Variants in SCAI observed in about 807,000 individuals in gnomAD.
SCAI encodes protein SCAI.
In SCAI, 24 loss-of-function variants were observed where a neutral mutation model predicts 92.2. The ratio of observed to expected loss-of-function variants is 0.26; its 90% confidence interval spans 0.19 to 0.37. The LOEUF (loss-of-function observed/expected upper bound fraction) is 0.37, where lower values mean the gene tolerates loss of function less well. Among genes scored for constraint, SCAI ranks in the 10% least tolerant of loss-of-function variants. The pLI is 1.00. For synonymous variants in SCAI, 261 were observed against 258.6 expected (o/e 1.01, Z -0.09); for missense variants, 450 against 736.2 (o/e 0.61, Z 4.50).
intron 3 of SCAI, among the ~76,000 whole-genome samples, chr9:125,047,661 G>T (rs775348764): frequency 6.6e-6 from 1 of 152,140 alleles, no homozygotes; most frequent in South Asian, 2.1e-4. Flanking sequence ...TATGAGAACA[G>T]AAACTAAAAC....
intron 2 of SCAI, chr9:125,142,286 G>C (rs372494585): frequency 3.7e-4 from 71 of 190,686 alleles, no homozygotes; most frequent in African/African-American, 1.4e-3. Flanking sequence ...GAAGGCATGA[G>C]CCACCCCAGC....
chr9:125,060,502 G>A (rs1170147544), intron 2 of SCAI, among the ~76,000 whole-genome samples: 1 of 152,164 alleles, frequency 6.6e-6, no homozygotes, highest in Non-Finnish European at 1.5e-5. Flanking sequence ...CTTTCAGTAT[G>A]CTAGTGATAT....
Position 125,003,504 on chromosome 9 carries a change from T to A in SCAI, c.928A>T (p.Asn310Tyr). The A allele has an allele frequency of 6.2e-7, 1 of 1,613,346 alleles. No individual in the cohort carries two copies. The highest frequency in any genetic ancestry group is 1.1e-5 in the South Asian group (1 of 91,062). Reference protein sequence around the residue: ...MLQALEREPMNLASQMNKPGM... With the variant: ...MLQALEREPMYLASQMNKPGM... Reference sequence around the variant, plus strand: ...GGTTTATTCATCTGGGAAGCTAAATTCATTGGCTCCCTTTCCAGAGCTTGT... The same window carrying A: ...GGTTTATTCATCTGGGAAGCTAAATACATTGGCTCCCTTTCCAGAGCTTGT... The change falls in exon 10 of 18, where the codon AAT (asparagine) becomes TAT (tyrosine). Residue 310 changes from asparagine (N) to tyrosine (Y), a missense_variant. Asn to Tyr is a moderately radical substitution (Grantham distance 143). Transcript: ENST00000336505.
intron 2 of SCAI, among the ~76,000 whole-genome samples, chr9:125,082,268 G>A (rs1241881718): frequency 6.6e-6 from 1 of 152,226 alleles, no homozygotes; most frequent in African/African-American, 2.4e-5. Flanking sequence ...CTTCCACATG[G>A]TGTTGAGACT....
At chr9:125,061,355 T>C (rs529575248) in intron 2 of SCAI, among the ~76,000 whole-genome samples, 13 of 152,224 alleles carry the variant, frequency 8.5e-5, no homozygotes, top group Non-Finnish European at 1.6e-4. Context: ...GCTCTTCAAC[T>C]AAACCTTCAA....
intron 2 of SCAI, among the ~76,000 whole-genome samples, chr9:125,113,448 G>A (rs921924806): frequency 1.3e-5 from 2 of 152,148 alleles, no homozygotes; most frequent in East Asian, 3.9e-4. Context: ...AGGACCCTGA[G>A]GAAATGCGAT....
In SCAI at chr9:124,971,532, G is replaced by A. The variant is rs184048134; in HGVS notation, c.1574-62C>T. The stretch of plus-strand genomic sequence containing the variant: ...TAAATGGAAATTATGTTTCAAAGGG[G>A]AAGGAAACTTCAGGAAAGCGTTCTC... On this transcript the variant is annotated intron_variant, in intron 16 of 17. Coordinates refer to ENST00000336505, the MANE Select transcript of SCAI (RefSeq NM_001144877.3). 3.4e-4 allele frequency: 488 copies of A among 1,448,162 alleles called. 2 individuals are homozygous for A. In the East Asian group the frequency reaches 7.9e-3, roughly 23 times the overall value. 89.7% of individuals were successfully genotyped at this position (1,448,162 alleles called of 1,614,324 possible). A position where few individuals can be genotyped will look rare whatever the true frequency, so the allele number is the denominator to read the frequency against.
Position 125,052,119 on chromosome 9 carries a change from C to G in SCAI, c.230+3757G>C, listed in dbSNP as rs546566554. Among the ~76,000 whole-genome samples, 6 of 152,126 alleles carry G rather than the reference C, an allele frequency of 3.9e-5. No homozygotes were observed. In the South Asian group the frequency reaches 1.2e-3, roughly 32 times the overall value. On this transcript the variant is annotated intron_variant, in intron 3 of 17. Coordinates refer to ENST00000336505, the MANE Select transcript of SCAI (RefSeq NM_001144877.3). ...AAATGTAAGAGCTAAAAGTATAAAACTCTTAGAAAAAAACACGGGAGTACA... is the reference window on the plus strand; with the variant it reads ...AAATGTAAGAGCTAAAAGTATAAAAGTCTTAGAAAAAAACACGGGAGTACA...
rs1276293156 is a variant in SCAI, at chr9:125,091,986, C to T, written c.99-35979G>A. ...TAAAAATAAAAATAAAAAAATTAGC[C>T]AGGCGTGGTGGTGGGCGCCTGTAGT... On this transcript the variant is annotated intron_variant, in intron 2 of 17. Coordinates refer to ENST00000336505, the MANE Select transcript of SCAI (RefSeq NM_001144877.3). The surrounding 1 kb of genome is among the most constrained non-coding windows in gnomAD (Gnocchi z 4.3). Among the ~76,000 whole-genome samples the T allele has an allele frequency of 6.6e-6, 1 of 151,684 alleles. No homozygotes were observed. The highest frequency in any genetic ancestry group is 6.6e-5 in the Admixed American group (1 of 15,226).
At chr9:125,078,042 T>C (rs967806787) in intron 2 of SCAI, among the ~76,000 whole-genome samples, 1 of 151,556 alleles carries the variant, frequency 6.6e-6, no homozygotes, top group Non-Finnish European at 1.5e-5. Flanking sequence ...TTTTAATGGG[T>C]TTTCTTTTTA....
chr9:125,050,982 T>C (rs1833550191), intron 3 of SCAI, among the ~76,000 whole-genome samples: 1 of 152,182 alleles, frequency 6.6e-6, no homozygotes, highest in Non-Finnish European at 1.5e-5. Context: ...TATAGTTTGC[T>C]CACCACAGAC....
chr9:125,119,290 G>A (rs1037498146), intron 2 of SCAI, among the ~76,000 whole-genome samples: 6 of 152,092 alleles, frequency 3.9e-5, no homozygotes, highest in Admixed American at 1.3e-4. Context: ...CTGCCTTCAC[G>A]GTCACACATG....
chr9:125,079,831 C>T (rs1422951052), intron 2 of SCAI, among the ~76,000 whole-genome samples: 1 of 152,126 alleles, frequency 6.6e-6, no homozygotes, highest in Non-Finnish European at 1.5e-5. Flanking sequence ...GTTATTGACC[C>T]TCAGTTTTCA....
chr9:125,054,659 G>T (rs1392212231), intron 3 of SCAI, among the ~76,000 whole-genome samples: 1 of 152,002 alleles, frequency 6.6e-6, no homozygotes, highest in African/African-American at 2.4e-5. Context: ...AATAGTGAAA[G>T]AAAATATTCT....
intron 17 of SCAI, chr9:124,968,331 T>C (rs3824505): frequency 0.018 from 22,462 of 1,228,198 alleles, 1,170 homozygotes; most frequent in East Asian, 0.14. Flanking sequence ...GGAAGACAAG[T>C]CCAGTTTGGT....
intron 2 of SCAI, among the ~76,000 whole-genome samples, chr9:125,130,165 C>G (rs1369912983): frequency 6.6e-6 from 1 of 152,170 alleles, no homozygotes; most frequent in Non-Finnish European, 1.5e-5. Context: ...TTCCAAAGTG[C>G]TGGGATTACA....
chr9:124,963,325 G>C (rs548326322), intron 17 of SCAI, among the ~76,000 whole-genome samples: 1 of 151,124 alleles, frequency 6.6e-6, no homozygotes, highest in East Asian at 2.0e-4. Context: ...TAGTAGAGAC[G>C]GGGTTTCACC....
intron 2 of SCAI, among the ~76,000 whole-genome samples, chr9:125,069,246 A>G (rs1304304843): frequency 6.6e-6 from 1 of 151,974 alleles, no homozygotes; most frequent in Non-Finnish European, 1.5e-5. Flanking sequence ...AAACAAAAAA[A>G]TTTATTCTGA....
chr9:125,028,314 T>C, intron 5 of SCAI, 78 bp downstream of exon 5: 1 of 777,340 alleles, frequency 1.3e-6, no homozygotes, highest in East Asian at 2.8e-5. Flanking sequence ...TAGCAATGAG[T>C]ATACTATGTA....
Sources: gnomAD v4.1 joint callset for allele counts (sites outside exome capture counted in the v4.1 genomes callset) on GRCh38, gnomAD v4.1.1 for gene constraint, Gnocchi (gnomAD v3.1) non-coding constraint, MANE v1.5 for transcripts, NCBI Gene and HGNC (gene_info 2026-07-23, HGNC 2026-07-21) for gene names.